The following INSC variants were observed in gnomAD, a reference collection of about 807,000 sequenced individuals.
The protein encoded by INSC is protein inscuteable homolog.
In INSC, 67 loss-of-function variants were observed where a neutral mutation model predicts 58.6. The observed-to-expected ratio is 1.14, with a 90% CI of 0.94 to 1.40. The LOEUF (loss-of-function observed/expected upper bound fraction) is 1.40. Among genes scored for constraint, INSC ranks in the 40% most tolerant of loss-of-function variants. INSC has a pLI of 0.00. For synonymous variants in INSC, 262 were observed against 276.1 expected (o/e 0.95, Z 0.51); for missense variants, 714 against 692.0 (o/e 1.03, Z -0.36).
At chr11:15,172,816 G>A (rs1339222223) in intron 2 of INSC, among the ~76,000 whole-genome samples, 4 of 152,168 alleles carry the variant, frequency 2.6e-5, no homozygotes, top group Non-Finnish European at 5.9e-5. Context: ...GATGGACAAG[G>A]GAGATGTGTG....
At chr11:15,175,238 T>A (rs1849531760) in intron 2 of INSC, among the ~76,000 whole-genome samples, 1 of 152,246 alleles carries the variant, frequency 6.6e-6, no homozygotes, top group African/African-American at 2.4e-5. Context: ...ATTTCCATTT[T>A]TGCATATTAG....
intron 4 of INSC, among the ~76,000 whole-genome samples, chr11:15,177,477 C>T (rs1849612658): frequency 6.6e-6 from 1 of 152,050 alleles, no homozygotes; most frequent in African/African-American, 2.4e-5. Context: ...AAAGTCAAGG[C>T]AAGAGTCAAG....
At chr11:15,179,827 T>A (rs891072418) in intron 5 of INSC, among the ~76,000 whole-genome samples, 1 of 152,170 alleles carries the variant, frequency 6.6e-6, no homozygotes, top group Non-Finnish European at 1.5e-5. Context: ...GTCGAGGGAC[T>A]GATGAGCAAG....
At chr11:15,125,729 T>C (rs774132942) in intron 1 of INSC, among the ~76,000 whole-genome samples, 2 of 152,222 alleles carry the variant, frequency 1.3e-5, no homozygotes, top group Non-Finnish European at 2.9e-5. Flanking sequence ...TGCTGGCTAA[T>C]ATGGGCATAT....
chr11:15,168,933 C>G (rs554666499), intron 2 of INSC, among the ~76,000 whole-genome samples: 1 of 151,948 alleles, frequency 6.6e-6, no homozygotes, highest in Non-Finnish European at 1.5e-5. Flanking sequence ...TGTTATATTT[C>G]GATAAAAATT....
chr11:15,252,642 G>A, the INSC span, among the ~76,000 whole-genome samples: 7 of 152,090 alleles, frequency 4.6e-5, no homozygotes, highest in Non-Finnish European at 7.4e-5. Flanking sequence ...CTTTTTATGC[G>A]CTAGTCTTAG....
At chr11:15,265,202 T>C in the INSC span, among the ~76,000 whole-genome samples, 1 of 152,154 alleles carries the variant, frequency 6.6e-6, no homozygotes, top group African/African-American at 2.4e-5. Flanking sequence ...CTAAGGTCTT[T>C]ATATTTGTTC....
intron 12 of INSC, chr11:15,241,521 C>G: frequency 1.4e-6 from 1 of 700,966 alleles, no homozygotes; most frequent in Non-Finnish European, 2.6e-6. Flanking sequence ...ACATTTTATT[C>G]AATAAATGTT....
chr11:15,149,704 C>T (rs747836293), intron 2 of INSC, among the ~76,000 whole-genome samples: 22 of 152,182 alleles, frequency 1.4e-4, no homozygotes, highest in East Asian at 5.8e-4. Flanking sequence ...GCCCGGATAA[C>T]GAGGGGAGAG....
rs1279116150 is a variant in INSC at position 15,190,714 on chromosome 11, A to C, written c.593A>C (p.Lys198Thr). Residue 198 changes from lysine to threonine, a missense_variant, in exon 6 of 13, where the codon AAA (lysine) becomes ACA (threonine). Coordinates refer to ENST00000379556, the MANE Select transcript of INSC (RefSeq NM_001042536.3). Reference sequence around the variant, plus strand: ...CTCTCTTCTTAGGCACTGGTGAGAAAAATTGATGCCTCAGACAATATCTAC... The same window carrying C: ...CTCTCTTCTTAGGCACTGGTGAGAACAATTGATGCCTCAGACAATATCTAC... ...LTREVQALVRKIDASDNIYTT... is the reference protein window; with the variant it reads ...LTREVQALVRTIDASDNIYTT... The C allele has an allele frequency of 6.2e-7, 1 of 1,613,498 alleles. No homozygotes were observed. Among genetic ancestry groups the C allele is most frequent in the Non-Finnish European group, 8.5e-7 (1 of 1,179,594 alleles).
intron 1 of INSC, among the ~76,000 whole-genome samples, chr11:15,125,941 C>T (rs1197727224): frequency 2.6e-5 from 4 of 152,016 alleles, no homozygotes; most frequent in African/African-American, 7.3e-5. Flanking sequence ...GTGGGGAGGG[C>T]AAGTCAGTTC....
intron 1 of INSC, among the ~76,000 whole-genome samples, chr11:15,143,342 A>G (rs1218102766): frequency 6.6e-6 from 1 of 152,122 alleles, no homozygotes; most frequent in Non-Finnish European, 1.5e-5. Flanking sequence ...ATTTGTTCTG[A>G]GCTCTCACCA....
intron 1 of INSC, among the ~76,000 whole-genome samples, chr11:15,145,337 T>G (rs1175748941): frequency 6.6e-6 from 1 of 152,202 alleles, no homozygotes; most frequent in East Asian, 1.9e-4. Flanking sequence ...TTTATCAGAT[T>G]CCAAAGTTCA....
At chr11:15,240,592 C>A (rs565131526) in intron 12 of INSC, 69 bp downstream of exon 12, 7 of 1,339,442 alleles carry the variant, frequency 5.2e-6, no homozygotes, top group South Asian at 1.2e-5. Flanking sequence ...CCAGGAGAAC[C>A]GGCTGTGCTG....
At chr11:15,215,379 T>G (rs1341916713) in intron 7 of INSC, among the ~76,000 whole-genome samples, 3 of 152,184 alleles carry the variant, frequency 2.0e-5, no homozygotes, top group African/African-American at 7.2e-5. Flanking sequence ...GGACTTGTGT[T>G]TGGGGCAGCT....
intron 8 of INSC, 147 bp from the exon 9 acceptor site, chr11:15,225,503 C>G (rs1851597990): frequency 1.3e-6 from 1 of 759,528 alleles, no homozygotes; most frequent in African/African-American, 1.8e-5. Context: ...ATACTGTTGC[C>G]TCTCTAGTAG....
intron 9 of INSC, among the ~76,000 whole-genome samples, chr11:15,232,869 A>C (rs1851976981): frequency 6.6e-6 from 1 of 152,172 alleles, no homozygotes; most frequent in African/African-American, 2.4e-5. Context: ...AGAAACTAGG[A>C]AATTGATTTT....
chr11:15,226,485 A>C (rs1851643766), intron 9 of INSC, among the ~76,000 whole-genome samples: 1 of 152,190 alleles, frequency 6.6e-6, no homozygotes, highest in African/African-American at 2.4e-5. Flanking sequence ...GATGTTCTAG[A>C]ATTTTATACC....
chr11:15,153,641 G>C (rs1848719938), intron 2 of INSC, among the ~76,000 whole-genome samples: 1 of 152,194 alleles, frequency 6.6e-6, no homozygotes, highest in South Asian at 2.1e-4. Context: ...CAGAAACATA[G>C]GGTGTGACCC....
Sources: allele counts gnomAD v4.1 joint callset (sites outside exome capture counted in the v4.1 genomes callset), GRCh38; gene constraint gnomAD v4.1.1; transcripts MANE v1.5; gene names NCBI Gene and HGNC (gene_info 2026-07-23, HGNC 2026-07-21).